PSMC2: variants seen among roughly 807,000 people sequenced by gnomAD.
PSMC2 encodes the protein proteasome 26S subunit, ATPase 2.
In PSMC2, 7 loss-of-function variants were observed where a neutral mutation model predicts 53.3. That is an observed-to-expected ratio of 0.13 (90% CI 0.07 to 0.25). The LOEUF (loss-of-function observed/expected upper bound fraction) is 0.25. Ranked by LOEUF, PSMC2 falls within the 10% of genes least tolerant of loss-of-function variation. PSMC2 has a pLI of 1.00. For missense variants in PSMC2, 241 were observed against 544.0 expected (o/e 0.44, Z 5.54); for synonymous variants, 169 against 183.9 (o/e 0.92, Z 0.66).
intron 1 of PSMC2, among the ~76,000 whole-genome samples, chr7:103,352,407 CT>C (rs781095017): frequency 0.031 from 3,639 of 118,688 alleles, 58 homozygotes; most frequent in African/African-American, 0.094. Flanking sequence ...AGATTATAAT[CT>C]TTTTTTTTTT....
chr7:103,358,121 G>A (rs992394006), intron 4 of PSMC2, among the ~76,000 whole-genome samples: 3 of 152,154 alleles, frequency 2.0e-5, no homozygotes, highest in Admixed American at 2.0e-4. Context: ...GACTGCATAT[G>A]TCTGAAAGTG....
chr7:103,357,602 C>T (rs1459620399), intron 4 of PSMC2, among the ~76,000 whole-genome samples: 5 of 152,174 alleles, frequency 3.3e-5, no homozygotes, highest in Admixed American at 2.6e-4. Context: ...CCTTTCCTAT[C>T]CCCTCATCCT....
chr7:103,366,403 T>G (rs571891697), intron 9 of PSMC2, among the ~76,000 whole-genome samples: 4 of 152,344 alleles, frequency 2.6e-5, no homozygotes, highest in Admixed American at 2.0e-4. Flanking sequence ...TGAATATCCC[T>G]TAGCCGAAAT....
At chr7:103,364,954 C>CGTACATAT (rs1486934625) in intron 8 of PSMC2, among the ~76,000 whole-genome samples, 85 of 38,960 alleles carry the variant, frequency 2.2e-3, no homozygotes, top group Non-Finnish European at 3.1e-3. Flanking sequence ...TGTTTGTAGA[C>CGTACATAT]ATACATATAT....
chr7:103,359,567 A>G (rs760267027), intron 4 of PSMC2, among the ~76,000 whole-genome samples: 3 of 152,178 alleles, frequency 2.0e-5, no homozygotes, highest in Non-Finnish European at 4.4e-5. Flanking sequence ...TGGACATATC[A>G]TCTAAATGGA....
chr7:103,349,595 C>A (rs1035648141), intron 1 of PSMC2, among the ~76,000 whole-genome samples: 1 of 151,654 alleles, frequency 6.6e-6, no homozygotes, highest in Admixed American at 6.6e-5. Flanking sequence ...ATTACAGGCA[C>A]CCCCCCACCA....
chr7:103,362,509 TA>T, intron 5 of PSMC2, 176 bp from the exon 6 acceptor site: 1 of 1,414,612 alleles, frequency 7.1e-7, no homozygotes, highest in Non-Finnish European at 9.2e-7. Context: ...TTTGCGACAT[TA>T]GACATGTAGT....
intron 4 of PSMC2, among the ~76,000 whole-genome samples, chr7:103,359,172 A>ATTTTTTTTTTTTTTTTTT (rs1586155184): frequency 5.1e-5 from 3 of 58,386 alleles, no homozygotes; most frequent in Non-Finnish European, 6.4e-5. Context: ...TTTTTTTTTA[A>ATTTTTTTTTTTTTTTTTT]TTTTTAGTAG....
At chr7:103,348,824 A>T (rs1264198235) in intron 1 of PSMC2, 2 of 693,504 alleles carry the variant, frequency 2.9e-6, no homozygotes, top group African/African-American at 3.5e-5. Context: ...GAAAACCATG[A>T]TAGTTCTTTG....
chr7:103,361,887 A>G, intron 4 of PSMC2, 70 bp from the exon 5 acceptor site: 9 of 1,454,976 alleles, frequency 6.2e-6, no homozygotes, highest in Non-Finnish European at 8.4e-6. Context: ...CTCAGGATAT[A>G]ATCTAGTTAG....
intron 4 of PSMC2, 52 bp from the exon 5 acceptor site, chr7:103,361,905 C>A: frequency 6.5e-7 from 1 of 1,538,106 alleles, no homozygotes; most frequent in South Asian, 1.2e-5. Flanking sequence ...TAGTTGAATT[C>A]ATTATTAGTG....
chr7:103,360,895 T>G lies in PSMC2; in HGVS notation c.291-1062T>G, dbSNP rs368556110. Among the ~76,000 whole-genome samples the G allele has an allele frequency of 2.0e-3, 303 of 151,798 alleles. 1 individual carries two copies. The highest frequency in any genetic ancestry group is 7.1e-3 in the African/African-American group (293 of 41,366). On this transcript the variant is annotated intron_variant, in intron 4 of 11. Coordinates refer to ENST00000292644, the MANE Select transcript of PSMC2 (RefSeq NM_002803.4). ...GGGAGGCCGAAGCAGGTGGATCACT[T>G]GAGGTCGGGAGTTTGAAACCAGCCT...
At position 103,355,844 on chromosome 7, in the gene PSMC2, C is replaced by G. The variant is rs765701551; in HGVS notation, c.290+51C>G. 6.7e-6 allele frequency: 9 copies of G among 1,337,752 alleles called. No individual in the cohort carries two copies. The South Asian group carries it at 9.6e-5, about 14-fold the overall frequency. 82.9% of individuals were successfully genotyped at this position (1,337,752 alleles called of 1,614,324 possible). A position where few individuals can be genotyped will look rare whatever the true frequency, so the allele number is the denominator to read the frequency against. On this transcript the variant is annotated intron_variant, in intron 4 of 11. Coordinates refer to ENST00000292644, the MANE Select transcript of PSMC2 (RefSeq NM_002803.4). ...TTACCTTTGTCTGTATTTTCAAGCACTTAATGTTAGAGTCTCAGGGATAAT... is the reference window on the plus strand; with the variant it reads ...TTACCTTTGTCTGTATTTTCAAGCAGTTAATGTTAGAGTCTCAGGGATAAT...
At chr7:103,348,287 A>T (rs537333928) in intron 1 of PSMC2, among the ~76,000 whole-genome samples, 24 of 152,348 alleles carry the variant, frequency 1.6e-4, no homozygotes, top group African/African-American at 4.8e-4. Flanking sequence ...TTCTCCACAG[A>T]GGCAACTAAT....
Position 103,366,144 on chromosome 7 carries a change from T to C in PSMC2, c.825T>C (p.Asp275=). The C allele has an allele frequency of 6.2e-7, 1 of 1,613,494 alleles. No homozygotes were observed. Among genetic ancestry groups the C allele is most frequent in the Non-Finnish European group, 8.5e-7 (1 of 1,179,450 alleles). ...RTKKACLIFF[D]EIDAIGGARF... ...AAAAAGCCTGCCTTATCTTCTTTGA[T>C]GAAATTGATGCTATTGGAGGTGAGA... Residue 275 remains aspartate (D), a synonymous_variant, in exon 9 of 12, where the codon GAT becomes GAC. Coordinates refer to ENST00000292644, the MANE Select transcript of PSMC2 (RefSeq NM_002803.4).
Position 103,353,905 on chromosome 7 carries a change from GTC to G in PSMC2, c.71-10_71-9del, listed in dbSNP as rs749650497. ...AGTTTCTTTTTGAATCTCACGTATT[GTC>G]TCTCTTCTTTCAGCTCTGGATGAGG... On this transcript the variant is annotated splice_polypyrimidine_tract_variant and intron_variant, in intron 1 of 11. Coordinates refer to ENST00000292644, the MANE Select transcript of PSMC2 (RefSeq NM_002803.4). 5 of 1,598,448 alleles carry G rather than the reference GTC, an allele frequency of 3.1e-6. No individual in the cohort carries two copies. The Admixed American group carries it at 5.1e-5, about 16-fold the overall frequency.
At chr7:103,363,199 C>T in intron 6 of PSMC2, 145 bp from the exon 7 acceptor site, 1 of 616,780 alleles carries the variant, frequency 1.6e-6, no homozygotes, top group African/African-American at 1.9e-5. Context: ...GCAAGTAGTT[C>T]CAGGGCACTG....
At chr7:103,364,449 C>T in intron 8 of PSMC2, 142 bp downstream of exon 8, 1 of 927,086 alleles carries the variant, frequency 1.1e-6, no homozygotes, top group African/African-American at 1.7e-5. Context: ...CATTGTGTTG[C>T]CCAGGCTGGA....
chr7:103,353,380 C>T (rs930684902), intron 1 of PSMC2, among the ~76,000 whole-genome samples: 2 of 152,150 alleles, frequency 1.3e-5, no homozygotes, highest in African/African-American at 2.4e-5. Flanking sequence ...GATTTGGGCT[C>T]ACTGCAACCT....
Sources: gnomAD v4.1 joint callset for allele counts (sites outside exome capture counted in the v4.1 genomes callset) on GRCh38, gnomAD v4.1.1 for gene constraint, MANE v1.5 for transcripts, NCBI Gene and HGNC (gene_info 2026-07-23, HGNC 2026-07-21) for gene names.